LRBA: variants seen among roughly 807,000 people sequenced by gnomAD.
The protein encoded by LRBA is LPS responsive beige-like anchor protein.
Under a neutral mutation model 330.0 loss-of-function variants are expected in LRBA, and 176 were observed. The observed-to-expected ratio is 0.53, with a 90% CI of 0.47 to 0.60. The LOEUF (loss-of-function observed/expected upper bound fraction) is 0.60, where lower values mean the gene tolerates loss of function less well. Among genes scored for constraint, LRBA ranks in the 20% least tolerant of loss-of-function variants. The pLI is 0.00. For synonymous variants in LRBA, 1,230 were observed against 1,193.0 expected, an observed-to-expected ratio of 1.03 and a Z score of -0.64; for missense variants, 3,259 against 3,444.8, an observed-to-expected ratio of 0.95 and a Z score of 1.35.
chr4:150,817,554 A>G (rs1744783138), intron 30 of LRBA, among the ~76,000 whole-genome samples: 1 of 151,936 alleles, frequency 6.6e-6, no homozygotes, highest in African/African-American at 2.4e-5. Flanking sequence ...AATATAACCA[A>G]AAGTATTAAA....
chr4:150,607,764 C>T (rs145982895), intron 37 of LRBA, among the ~76,000 whole-genome samples: 8 of 151,922 alleles, frequency 5.3e-5, no homozygotes, highest in Non-Finnish European at 8.8e-5. Flanking sequence ...TAGGCAGACA[C>T]GGTGGCTCAC....
At chr4:150,881,835 C>G (rs1354438499) in intron 17 of LRBA, among the ~76,000 whole-genome samples, 2 of 152,048 alleles carry the variant, frequency 1.3e-5, no homozygotes, top group Non-Finnish European at 2.9e-5. Flanking sequence ...ACCTGTAATC[C>G]CAGCATTTTG....
chr4:150,952,909 T>A (rs1737008188), intron 2 of LRBA, among the ~76,000 whole-genome samples: 1 of 152,174 alleles, frequency 6.6e-6, no homozygotes, highest in African/African-American at 2.4e-5. Flanking sequence ...CTTTCTCACT[T>A]ACAATTATTT....
intron 56 of LRBA, among the ~76,000 whole-genome samples, chr4:150,268,417 C>G (rs1192398111): frequency 6.6e-6 from 1 of 152,196 alleles, no homozygotes; most frequent in African/African-American, 2.4e-5. Flanking sequence ...CAGAACACTT[C>G]CTAAGTGATT....
At chr4:150,820,937 A>C (rs1745342127) in intron 30 of LRBA, among the ~76,000 whole-genome samples, 1 of 152,084 alleles carries the variant, frequency 6.6e-6, no homozygotes, top group African/African-American at 2.4e-5. Context: ...TCATGCAAAA[A>C]CTAAGCATTT....
intron 40 of LRBA, among the ~76,000 whole-genome samples, chr4:150,520,504 A>G (rs761144878): frequency 8.5e-5 from 13 of 152,144 alleles, no homozygotes; most frequent in Non-Finnish European, 1.8e-4. Flanking sequence ...TATTAAATTC[A>G]TATTTTTGAA....
At chr4:150,329,194 G>T (rs1349405624) in intron 48 of LRBA, among the ~76,000 whole-genome samples, 2 of 152,164 alleles carry the variant, frequency 1.3e-5, no homozygotes, top group Non-Finnish European at 2.9e-5. Context: ...CATCTGAAAA[G>T]GCTGTGGAAT....
intron 36 of LRBA, among the ~76,000 whole-genome samples, chr4:150,696,672 A>G (rs1019870487): frequency 1.3e-5 from 2 of 152,126 alleles, no homozygotes; most frequent in African/African-American, 4.8e-5. Flanking sequence ...AGAGTTATAG[A>G]CAGTATGTTT....
At chr4:150,706,986 G>T (rs965944491) in intron 36 of LRBA, among the ~76,000 whole-genome samples, 5 of 151,624 alleles carry the variant, frequency 3.3e-5, no homozygotes, top group Non-Finnish European at 5.9e-5. Context: ...GTTGATCAAA[G>T]TATAAAAATT....
chr4:150,502,797 T>C (rs1760458939), intron 40 of LRBA, among the ~76,000 whole-genome samples: 1 of 152,198 alleles, frequency 6.6e-6, no homozygotes, highest in Non-Finnish European at 1.5e-5. Flanking sequence ...GAATTCCCTT[T>C]CCTAGTCAAA....
At chr4:150,782,540 G>A (rs1340463371) in intron 34 of LRBA, among the ~76,000 whole-genome samples, 1 of 152,042 alleles carries the variant, frequency 6.6e-6, no homozygotes, top group Non-Finnish European at 1.5e-5. Context: ...AAGAAAACAG[G>A]GTCTCTCTGC....
intron 2 of LRBA, among the ~76,000 whole-genome samples, chr4:150,952,137 A>G (rs1247179390): frequency 3.3e-5 from 5 of 152,102 alleles, no homozygotes; most frequent in Admixed American, 1.3e-4. Flanking sequence ...TTTCCTAAAC[A>G]CCTCCAAGGA....
chr4:150,944,899 A>G (rs1319367302), intron 2 of LRBA, among the ~76,000 whole-genome samples: 1 of 152,186 alleles, frequency 6.6e-6, no homozygotes. Context: ...AAGTCTCACA[A>G]GATCTGATGG....
chr4:150,954,817 CAAAAAAAAAA>C (rs34282784), intron 2 of LRBA, among the ~76,000 whole-genome samples: 1 of 45,502 alleles, frequency 2.2e-5, no homozygotes, highest in Non-Finnish European at 3.6e-5. Context: ...ACTCAGAAAT[CAAAAAAAAAA>C]AAAAAAAAAA....
chr4:150,275,132 A>C (rs1746593110), intron 56 of LRBA, among the ~76,000 whole-genome samples: 1 of 152,208 alleles, frequency 6.6e-6, no homozygotes, highest in African/African-American at 2.4e-5. Context: ...AACATACACA[A>C]ATCAATAAAA....
intron 40 of LRBA, among the ~76,000 whole-genome samples, chr4:150,534,375 TAA>T (rs1338658878): frequency 7.9e-4 from 113 of 142,296 alleles, no homozygotes; most frequent in South Asian, 2.6e-3. Context: ...ATAATAATAA[TAA>T]TTTTTTTTAA....
intron 37 of LRBA, among the ~76,000 whole-genome samples, chr4:150,670,186 A>G (rs1343550304): frequency 6.6e-6 from 1 of 152,182 alleles, no homozygotes; most frequent in Non-Finnish European, 1.5e-5. Flanking sequence ...ACTGTATTGT[A>G]TTGTACAGTA....
chr4:150,850,331 T>C (rs1185616301), intron 24 of LRBA, among the ~76,000 whole-genome samples: 2 of 152,038 alleles, frequency 1.3e-5, no homozygotes, highest in Non-Finnish European at 2.9e-5. Context: ...CCTGACCTTA[T>C]GATCCGCCTG....
chr4:150,836,183 T>G (rs1748035319), intron 28 of LRBA, among the ~76,000 whole-genome samples: 1 of 152,204 alleles, frequency 6.6e-6, no homozygotes, highest in South Asian at 2.1e-4. Context: ...CTTTTTGATG[T>G]GCTGCTGGAT....
Sources: gnomAD v4.1 joint callset for allele counts (sites outside exome capture counted in the v4.1 genomes callset) on GRCh38, gnomAD v4.1.1 for gene constraint, MANE v1.5 for transcripts, NCBI Gene and HGNC (gene_info 2026-07-23, HGNC 2026-07-21) for gene names.